COL20A1: variants seen among roughly 807,000 people sequenced by gnomAD.
COL20A1 encodes collagen type XX alpha 1 chain.
COL20A1 carries 164 observed loss-of-function variants against 152.9 expected under a neutral mutation model. The observed-to-expected ratio is 1.07, with a 90% CI of 0.94 to 1.22. The LOEUF (loss-of-function observed/expected upper bound fraction) is 1.22, where lower values mean the gene tolerates loss of function less well. Ranked by LOEUF, COL20A1 falls within the 50% of genes most tolerant of loss-of-function variation. COL20A1 has a pLI of 0.00. For synonymous variants in COL20A1, 864 were observed against 756.0 expected (o/e 1.14, Z -2.34); for missense variants, 1,873 against 1,744.8 (o/e 1.07, Z -1.31).
chr20:63,307,419 G>T, intron 5 of COL20A1, 71 bp from the exon 6 acceptor site: 1 of 1,441,938 alleles, frequency 6.9e-7, no homozygotes, highest in Non-Finnish European at 9.5e-7. Context: ...GGAGCCCCGG[G>T]GTAGGTGATC....
chr20:63,326,064 C>A, intron 29 of COL20A1, 32 bp from the exon 30 acceptor site: 1 of 1,603,316 alleles, frequency 6.2e-7, no homozygotes, highest in Non-Finnish European at 8.5e-7. Context: ...AGGTACAAAC[C>A]CCACCCAGCT....
intron 3 of COL20A1, among the ~76,000 whole-genome samples, chr20:63,298,270 A>AT (rs2067824443): frequency 6.6e-6 from 1 of 152,048 alleles, no homozygotes; most frequent in Admixed American, 6.6e-5. Context: ...CATACTTTTA[A>AT]TTTTTTTGAT....
Position 63,319,385 on chromosome 20 carries a change from C to A in COL20A1, c.2807-102C>A. 1 of 1,099,180 alleles carries A rather than the reference C, an allele frequency of 9.1e-7. No individual in the cohort carries two copies. Among genetic ancestry groups the A allele is most frequent in the Non-Finnish European group, 1.3e-6 (1 of 767,100 alleles). The allele number at this position is 1,099,180 out of a possible 1,614,324, so 68.1% of individuals were successfully genotyped here. A position where few individuals can be genotyped will look rare whatever the true frequency, so the allele number is the denominator to read the frequency against. On this transcript the variant is annotated intron_variant, in intron 22 of 35. Coordinates refer to ENST00000358894, the MANE Select transcript of COL20A1 (RefSeq NM_020882.4). This position sits in a 1 kb window ranked among gnomAD's most constrained non-coding sequence, Gnocchi z 4.4. ...ATTGAGGGTCACCTCCAGCTTGGCA[C>A]CCTCAGGGCTGCTCCTGTCCTGTCG...
chr20:63,308,206 T>C (rs950614862), intron 7 of COL20A1, 116 bp downstream of exon 7: 32 of 1,257,740 alleles, frequency 2.5e-5, no homozygotes, highest in East Asian at 1.0e-4. Flanking sequence ...ACCTGAGCCC[T>C]GTTCACACCT....
chr20:63,314,448 G>T (rs1342670971), intron 19 of COL20A1, among the ~76,000 whole-genome samples: 2 of 152,178 alleles, frequency 1.3e-5, no homozygotes, highest in African/African-American at 4.8e-5. Flanking sequence ...CACGGTGGGA[G>T]CTGCTGTTGC....
At position 63,309,416 on chromosome 20, in the gene COL20A1, C is replaced by T; in HGVS notation, c.1024C>T (p.Leu342=). 6.4e-7 allele frequency: 1 copy of T among 1,555,420 alleles called. No homozygotes were observed. Among genetic ancestry groups the T allele is most frequent in the Non-Finnish European group, 8.7e-7 (1 of 1,149,422 alleles). Residue 342 remains leucine, a synonymous_variant, in exon 9 of 36, where the codon CTG becomes TTG. Coordinates refer to ENST00000358894, the MANE Select transcript of COL20A1 (RefSeq NM_020882.4). ...DITVHSVLDF[L]QLGALAGLLS... is the part of the protein sequence containing the mutation. ...CACCGTCCACAGCGTGCTGGACTTC[C>T]TGCAGCTCGGCGCGCTGGCTGGCCT...
At chr20:63,328,290 G>A (rs2273494) in intron 33 of COL20A1, 41 bp from the exon 34 acceptor site, 332,136 of 1,583,598 alleles carry the variant, frequency 0.21, 37,522 homozygotes, top group East Asian at 0.41. Context: ...TCGCATCCCC[G>A]GGTCCCCACT....
chr20:63,323,878 T>C (rs1381406499), intron 27 of COL20A1, among the ~76,000 whole-genome samples: 1 of 152,268 alleles, frequency 6.6e-6, no homozygotes, highest in Non-Finnish European at 1.5e-5. Flanking sequence ...CTTATCCGTT[T>C]AACCTAAACA....
rs528523436 is a variant in COL20A1, at chr20:63,299,308, T to G, written c.193+1288T>G. On this transcript the variant is annotated intron_variant, in intron 3 of 35. Transcript: ENST00000358894. ...TCAACGTTAGTAGAAAATGTTGAAC[T>G]ATTTTCCAAAGGGGTCGTGCCAGTG... Among the ~76,000 whole-genome samples, 5 of 152,340 alleles carry G rather than the reference T, an allele frequency of 3.3e-5. No homozygotes were observed. The South Asian group carries it at 1.0e-3, about 32-fold the overall frequency.
chr20:63,319,974 CT>C lies in COL20A1; in HGVS notation c.2917-63del, dbSNP rs11478836. 1,487,661 of 1,506,648 alleles carry C rather than the reference CT, an allele frequency of 0.99. 735,799 individuals carry two copies. The highest frequency in any genetic ancestry group is 1 in the East Asian group (40,611 of 40,614). The allele number at this position is 1,506,648 out of a possible 1,614,324, so 93.3% of individuals were successfully genotyped here. ...TGTTACTCCCCAGCCCTGGCCTGGC[CT>C]TGGGGGCTCAGGTGGGCACCGGCCC... is the stretch of plus-strand genomic sequence containing the variant. On this transcript the variant is annotated intron_variant, in intron 23 of 35. Coordinates refer to ENST00000358894, the MANE Select transcript of COL20A1 (RefSeq NM_020882.4). The surrounding 1 kb of genome is among the most constrained non-coding windows in gnomAD (Gnocchi z 4.4).
In COL20A1 at chr20:63,326,722, A is replaced by G. The variant is rs201206457; in HGVS notation, c.3457-30A>G. 1.2e-5 allele frequency: 17 copies of G among 1,390,848 alleles called. No individual in the cohort carries two copies. In the African/African-American group the frequency reaches 2.6e-4, roughly 21 times the overall value. The allele number at this position is 1,390,848 out of a possible 1,614,324, so 86.2% of individuals were successfully genotyped here. A position where few individuals can be genotyped will look rare whatever the true frequency, so the allele number is the denominator to read the frequency against. ...TGGGAGCAGATTTGCTGGGGGCCCA[A>G]GCCAAACCCTGACTTCTGTGTCTAT... On this transcript the variant is annotated intron_variant, in intron 30 of 35. Transcript: ENST00000358894.
At chr20:63,309,143 G>C (rs1277233652) in intron 8 of COL20A1, among the ~76,000 whole-genome samples, 190 bp from the exon 9 acceptor site, 1 of 152,184 alleles carries the variant, frequency 6.6e-6, no homozygotes, top group African/African-American at 2.4e-5. Context: ...GGAGTCCCAG[G>C]AGCACAGACC....
At chr20:63,315,548 G>C in intron 20 of COL20A1, 109 bp downstream of exon 20, 1 of 1,044,436 alleles carries the variant, frequency 9.6e-7, no homozygotes, top group Non-Finnish European at 1.4e-6. Flanking sequence ...GGTGCAGTTG[G>C]AGGATGTTTG....
intron 6 of COL20A1, 57 bp downstream of exon 6, chr20:63,307,705 G>T: frequency 6.4e-7 from 1 of 1,558,820 alleles, no homozygotes; most frequent in Non-Finnish European, 8.7e-7. Context: ...CCACAGCTCT[G>T]CCAGAGGAGG....
At chr20:63,312,152 C>G (rs927575258) in intron 14 of COL20A1, 97 bp downstream of exon 14, 2 of 1,364,898 alleles carry the variant, frequency 1.5e-6, no homozygotes, top group Non-Finnish European at 1.9e-6. Flanking sequence ...ATAACACATT[C>G]AAAACCACAG....
At position 63,321,053 on chromosome 20, in the gene COL20A1, C is replaced by G; in HGVS notation, c.3194C>G (p.Ser1065Cys). The change falls in exon 26 of 36, where the codon TCC (serine) becomes TGC (cysteine). Residue 1065 changes from serine (S) to cysteine (C), a missense_variant. Transcript: ENST00000358894. ...TGCCCCGCCTTCGTGTCTGCCTGTTCCTGTTCCTCAGAGACCCCTGGGCCC... is the reference window on the plus strand; with the variant it reads ...TGCCCCGCCTTCGTGTCTGCCTGTTGCTGTTCCTCAGAGACCCCTGGGCCC... The part of the protein sequence containing the change: ...ETCPAFVSAC[S>C]CSSETPGPPG... 2 of 1,602,338 alleles carry G rather than the reference C, an allele frequency of 1.2e-6. No homozygotes were observed. Among genetic ancestry groups the G allele is most frequent in the Non-Finnish European group, 1.7e-6 (2 of 1,175,206 alleles).
intron 5 of COL20A1, 33 bp from the exon 6 acceptor site, chr20:63,307,457 C>A: frequency 6.3e-7 from 1 of 1,595,208 alleles, no homozygotes; most frequent in Non-Finnish European, 8.5e-7. Flanking sequence ...GGATGGGCCT[C>A]ACCTAGCACC....
intron 27 of COL20A1, among the ~76,000 whole-genome samples, chr20:63,323,504 C>T (rs770297317): frequency 6.6e-6 from 1 of 152,188 alleles, no homozygotes; most frequent in Admixed American, 6.5e-5. Flanking sequence ...CAGGTGGATT[C>T]GTCTAGAGCT....
At chr20:63,302,304 C>T (rs1291702673) in intron 3 of COL20A1, among the ~76,000 whole-genome samples, 1 of 152,074 alleles carries the variant, frequency 6.6e-6, no homozygotes, top group Admixed American at 6.6e-5. Flanking sequence ...AGTTTTCTAA[C>T]TTGATGCATG....
Sources: gnomAD v4.1 joint callset for allele counts (sites outside exome capture counted in the v4.1 genomes callset) on GRCh38, gnomAD v4.1.1 for gene constraint, Gnocchi (gnomAD v3.1) non-coding constraint, MANE v1.5 for transcripts, NCBI Gene and HGNC (gene_info 2026-07-23, HGNC 2026-07-21) for gene names.